TRDN: variants seen among roughly 807,000 people sequenced by gnomAD.
TRDN encodes the protein triadin in skeletal muscle.
Under a neutral mutation model 149.7 loss-of-function variants are expected in TRDN, and 161 were observed. The observed-to-expected ratio is 1.08, with a 90% CI of 0.95 to 1.23. The LOEUF is 1.23. Among genes scored for constraint, TRDN ranks in the 50% most tolerant of loss-of-function variants. The pLI is 0.00. For missense variants in TRDN, 896 were observed against 823.5 expected (o/e 1.09, Z -1.08); for synonymous variants, 294 against 250.5 (o/e 1.17, Z -1.64).
At chr6:123,252,380 G>C in intron 38 of TRDN, 32 bp downstream of exon 38, 1 of 1,398,610 alleles carries the variant, frequency 7.1e-7, no homozygotes. Flanking sequence ...ATGTATCAAA[G>C]AGAACTTGTC....
At chr6:123,636,693 T>C in intron 1 of TRDN, 61 bp downstream of exon 1, 1 of 1,585,006 alleles carries the variant, frequency 6.3e-7, no homozygotes, top group Non-Finnish European at 8.7e-7. Context: ...ACAGTTAATG[T>C]GGCTGTCGAT....
At chr6:123,635,991 A>G (rs1295708215) in intron 1 of TRDN, among the ~76,000 whole-genome samples, 1 of 151,994 alleles carries the variant, frequency 6.6e-6, no homozygotes, top group Non-Finnish European at 1.5e-5. Context: ...CTTTCAGTAA[A>G]GCATTGAAAC....
chr6:123,584,366 TGGCAGCAGCCGC>T (rs1198332944), intron 1 of TRDN, among the ~76,000 whole-genome samples: 21,929 of 151,864 alleles, frequency 0.14, 2,368 homozygotes, highest in East Asian at 0.49. Context: ...AGTATTAGGG[TGGCAGCAGCCGC>T]TGCACGGAGA....
intron 9 of TRDN, among the ~76,000 whole-genome samples, chr6:123,491,132 A>AGAAGGAAGGAAGGAAGGAAGGAAGGAAG (rs149446213): frequency 0.031 from 4,558 of 146,128 alleles, 96 homozygotes; most frequent in South Asian, 0.049. Context: ...AAGGAACGAA[A>AGAAGGAAGGAAGGAAGGAAGGAAGGAAG]GAAGGAAGGA....
At chr6:123,361,189 A>T (rs1378189577) in intron 20 of TRDN, among the ~76,000 whole-genome samples, 2 of 152,190 alleles carry the variant, frequency 1.3e-5, no homozygotes, top group Non-Finnish European at 2.9e-5. Context: ...ACACCATAGA[A>T]TACTATGCAG....
chr6:123,326,062 T>C (rs1305300830), intron 23 of TRDN, among the ~76,000 whole-genome samples: 1 of 152,146 alleles, frequency 6.6e-6, no homozygotes, highest in Non-Finnish European at 1.5e-5. Flanking sequence ...GACTTCAAGT[T>C]TGTTGGTAGT....
intron 9 of TRDN, among the ~76,000 whole-genome samples, chr6:123,480,297 A>T (rs1777691240): frequency 6.6e-6 from 1 of 151,710 alleles, no homozygotes; most frequent in African/African-American, 2.4e-5. Context: ...ACAAAACTTT[A>T]AGTAAAACTT....
At chr6:123,344,632 A>G (rs985456444) in intron 21 of TRDN, among the ~76,000 whole-genome samples, 3 of 152,008 alleles carry the variant, frequency 2.0e-5, no homozygotes, top group African/African-American at 4.8e-5. Context: ...CACTGAATAA[A>G]AATCTCATTA....
At chr6:123,524,880 A>AAAC (rs1779870927) in intron 5 of TRDN, among the ~76,000 whole-genome samples, 1 of 152,132 alleles carries the variant, frequency 6.6e-6, no homozygotes, top group Admixed American at 6.6e-5. Context: ...CATGAACTGT[A>AAAC]AACTTGGTAA....
At chr6:123,611,066 C>T (rs1228991691) in intron 1 of TRDN, among the ~76,000 whole-genome samples, 1 of 152,116 alleles carries the variant, frequency 6.6e-6, no homozygotes, top group Non-Finnish European at 1.5e-5. Context: ...GCTGAATCAA[C>T]TCTGAGAAGA....
chr6:123,248,539 AGAGT>A (rs1776264790), intron 38 of TRDN, among the ~76,000 whole-genome samples: 1 of 152,196 alleles, frequency 6.6e-6, no homozygotes, highest in South Asian at 2.1e-4. Context: ...CCTGGGTAAC[AGAGT>A]GAGACTCCAT....
chr6:123,580,283 A>G (rs1414626353), intron 1 of TRDN, among the ~76,000 whole-genome samples: 1 of 152,166 alleles, frequency 6.6e-6, no homozygotes, highest in East Asian at 1.9e-4. Context: ...AGTAAATTGA[A>G]TTTAAAGGTG....
rs556209571 is a variant in TRDN at position 123,421,823 on chromosome 6, A to T, written c.1051+16240T>A. Among the ~76,000 whole-genome samples the T allele has an allele frequency of 1.1e-4, 16 of 151,322 alleles. 1 individual carries two copies. In the East Asian group the frequency reaches 2.9e-3, roughly 28 times the overall value. ...TTCTCTACAAAAAAAAAAAAAAAAA[A>T]ATTGGCCCAGTGTGGCGGCCCACTC... On this transcript the variant is annotated intron_variant, in intron 12 of 40. Coordinates refer to ENST00000334268, the MANE Select transcript of TRDN (RefSeq NM_006073.4).
chr6:123,616,529 A>G (rs1400667091), intron 1 of TRDN, among the ~76,000 whole-genome samples: 3 of 152,146 alleles, frequency 2.0e-5, no homozygotes, highest in Admixed American at 1.3e-4. Flanking sequence ...TATACTTCAT[A>G]TTTATTCATA....
intron 32 of TRDN, among the ~76,000 whole-genome samples, chr6:123,265,640 A>C (rs960104267): frequency 2.0e-5 from 3 of 148,202 alleles, no homozygotes; most frequent in Admixed American, 6.8e-5. Flanking sequence ...TGAACTTCTT[A>C]CTGTTTCTGA....
intron 38 of TRDN, among the ~76,000 whole-genome samples, chr6:123,233,328 C>T (rs1775677351): frequency 6.6e-6 from 1 of 152,052 alleles, no homozygotes; most frequent in African/African-American, 2.4e-5. Context: ...AAATGAACTG[C>T]TACACTGAGA....
At chr6:123,351,039 G>C (rs1780443536) in intron 21 of TRDN, 1 of 911,552 alleles carries the variant, frequency 1.1e-6, no homozygotes, top group Non-Finnish European at 1.3e-6. Flanking sequence ...TATTATTAGT[G>C]TGGGTGTTTT....
chr6:123,572,079 C>T (rs1048973122), intron 1 of TRDN, among the ~76,000 whole-genome samples: 3 of 152,004 alleles, frequency 2.0e-5, no homozygotes, highest in Non-Finnish European at 4.4e-5. Flanking sequence ...ATTGTGCATG[C>T]CAGTAGTTTT....
chr6:123,633,351 TAA>T (rs1270410829), intron 1 of TRDN, among the ~76,000 whole-genome samples: 1 of 151,996 alleles, frequency 6.6e-6, no homozygotes, highest in Non-Finnish European at 1.5e-5. Context: ...TTGACCAACC[TAA>T]CAGTCTCACA....
Sources: gnomAD v4.1 joint callset for allele counts (sites outside exome capture counted in the v4.1 genomes callset) on GRCh38, gnomAD v4.1.1 for gene constraint, MANE v1.5 for transcripts, NCBI Gene and HGNC (gene_info 2026-07-23, HGNC 2026-07-21) for gene names.